Variants in TNKS observed in about 807,000 individuals in gnomAD.
TNKS encodes poly [ADP-ribose] polymerase tankyrase-1.
Under a neutral mutation model 135.8 loss-of-function variants are expected in TNKS, and 72 were observed. That is an observed-to-expected ratio of 0.53 (90% CI 0.44 to 0.64). TNKS has a LOEUF of 0.64. Among genes scored for constraint, TNKS ranks in the 30% least tolerant of loss-of-function variants. TNKS has a pLI of 0.00. For missense variants in TNKS, 1,769 were observed against 1,674.0 expected, an observed-to-expected ratio of 1.06 and a Z score of -0.99; for synonymous variants, 849 against 649.3, an observed-to-expected ratio of 1.31 and a Z score of -4.68.
At chr8:9,612,220 C>T (rs1799489894) in intron 2 of TNKS, among the ~76,000 whole-genome samples, 1 of 152,070 alleles carries the variant, frequency 6.6e-6, no homozygotes, top group Non-Finnish European at 1.5e-5. Context: ...TTCCCCAATG[C>T]ATGACAGATC....
intron 18 of TNKS, among the ~76,000 whole-genome samples, chr8:9,748,820 G>C (rs1462213152): frequency 6.6e-6 from 1 of 152,168 alleles, no homozygotes; most frequent in Non-Finnish European, 1.5e-5. Context: ...TTATGATTCT[G>C]TATGTTGGCT....
At chr8:9,562,565 G>T (rs542451968) in intron 1 of TNKS, among the ~76,000 whole-genome samples, 1 of 152,118 alleles carries the variant, frequency 6.6e-6, no homozygotes, top group Non-Finnish European at 1.5e-5. Flanking sequence ...TTTAAAGTGT[G>T]TCTATTATAG....
chr8:9,684,049 A>T (rs1802889869), intron 5 of TNKS, among the ~76,000 whole-genome samples: 1 of 151,878 alleles, frequency 6.6e-6, no homozygotes, highest in South Asian at 2.1e-4. Context: ...ACGTGTTATA[A>T]TGATGACCAC....
At chr8:9,751,062 CG>C (rs1806500713) in intron 18 of TNKS, among the ~76,000 whole-genome samples, 5 of 130,948 alleles carry the variant, frequency 3.8e-5, no homozygotes, top group Middle Eastern at 3.7e-3. Context: ...CCACATTCGG[CG>C]GGTAGGGGGC....
intron 3 of TNKS, among the ~76,000 whole-genome samples, chr8:9,630,977 T>G (rs189880735): frequency 6.6e-6 from 1 of 152,192 alleles, no homozygotes; most frequent in East Asian, 1.9e-4. Flanking sequence ...TACATACATT[T>G]TCATGACCTT....
intron 3 of TNKS, among the ~76,000 whole-genome samples, chr8:9,635,993 A>G (rs1205833788): frequency 6.6e-6 from 1 of 152,242 alleles, no homozygotes; most frequent in Non-Finnish European, 1.5e-5. Context: ...GTATTGTACC[A>G]GTGTTACTTG....
chr8:9,660,006 C>A (rs962980233), intron 3 of TNKS, among the ~76,000 whole-genome samples: 2 of 152,080 alleles, frequency 1.3e-5, no homozygotes, highest in Non-Finnish European at 2.9e-5. Context: ...ATAAATTCCT[C>A]GACACATACA....
chr8:9,575,515 C>T, intron 1 of TNKS: 5 of 707,300 alleles, frequency 7.1e-6, no homozygotes, highest in Non-Finnish European at 8.7e-6. Context: ...AAAATTTCAA[C>T]TCACACCATA....
chr8:9,574,478 G>C (rs939309436), intron 1 of TNKS, among the ~76,000 whole-genome samples: 2 of 152,088 alleles, frequency 1.3e-5, no homozygotes, highest in Non-Finnish European at 2.9e-5. Context: ...TTCTTGACTA[G>C]TCCCTCTGAT....
chr8:9,731,112 A>AT (rs1303522759), intron 14 of TNKS, 77 bp downstream of exon 14: 10 of 1,390,608 alleles, frequency 7.2e-6, no homozygotes, highest in East Asian at 5.4e-5. Flanking sequence ...GAAGTCTTAG[A>AT]TTTTTTCTGT....
At chr8:9,590,114 C>T (rs968905920) in intron 2 of TNKS, among the ~76,000 whole-genome samples, 1 of 152,164 alleles carries the variant, frequency 6.6e-6, no homozygotes, top group African/African-American at 2.4e-5. Flanking sequence ...ACAGTATGTG[C>T]GTGTTTAAAA....
intron 17 of TNKS, among the ~76,000 whole-genome samples, chr8:9,735,732 G>A (rs926913391): frequency 4.6e-5 from 7 of 151,936 alleles, no homozygotes; most frequent in African/African-American, 4.8e-5. Flanking sequence ...CCCGGGAGGC[G>A]GAGCTTGCAG....
At chr8:9,632,580 C>A (rs969738587) in intron 3 of TNKS, among the ~76,000 whole-genome samples, 19 of 152,142 alleles carry the variant, frequency 1.2e-4, no homozygotes, top group African/African-American at 4.6e-4. Context: ...GCTGCTTGAA[C>A]CCTATCAGAG....
chr8:9,570,564 G>T (rs1008089465), intron 1 of TNKS, among the ~76,000 whole-genome samples: 4 of 152,142 alleles, frequency 2.6e-5, no homozygotes, highest in African/African-American at 9.7e-5. Context: ...ATTTTCACTT[G>T]ACAGCCTCCC....
chr8:9,771,438 G>C (rs1807854377), intron 26 of TNKS, among the ~76,000 whole-genome samples: 1 of 85,976 alleles, frequency 1.2e-5, no homozygotes, highest in African/African-American at 4.1e-5. Context: ...GAGGGACAGA[G>C]GAAAGGAAAA....
intron 12 of TNKS, among the ~76,000 whole-genome samples, chr8:9,724,010 C>G (rs1805035878): frequency 6.6e-6 from 1 of 152,158 alleles, no homozygotes; most frequent in Non-Finnish European, 1.5e-5. Flanking sequence ...TAATATTGAT[C>G]AAACTACTAA....
In TNKS at chr8:9,664,120, C is replaced by G. The variant is rs568065254; in HGVS notation, c.995-15831C>G. On this transcript the variant is annotated intron_variant, in intron 3 of 26. Transcript: ENST00000310430. Reference sequence around the variant, plus strand: ...TGTTGCTGTAAGGAATACCTCGAGGCTGGGTAATTTATAAAGAAAAGAGGT... The same window carrying G: ...TGTTGCTGTAAGGAATACCTCGAGGGTGGGTAATTTATAAAGAAAAGAGGT... 4.6e-5 allele frequency among the ~76,000 whole-genome samples: 7 copies of G among 152,240 alleles called. 1 individual carries two copies. Among genetic ancestry groups the G allele is most frequent in the African/African-American group, 1.7e-4 (7 of 41,534 alleles).
chr8:9,735,678 T>C (rs1805666341), intron 17 of TNKS, among the ~76,000 whole-genome samples, 192 bp downstream of exon 17: 2 of 151,966 alleles, frequency 1.3e-5, no homozygotes, highest in South Asian at 4.2e-4. Flanking sequence ...CGGGCACCTG[T>C]AGTCCCAGCT....
At chr8:9,771,804 G>A (rs796752149) in intron 26 of TNKS, among the ~76,000 whole-genome samples, 2 of 33,034 alleles carry the variant, frequency 6.1e-5, no homozygotes, top group African/African-American at 1.4e-4. Context: ...AGGGAAGTGG[G>A]GGAGGAAGGG....
Sources: gnomAD v4.1 joint callset for allele counts (sites outside exome capture counted in the v4.1 genomes callset) on GRCh38, gnomAD v4.1.1 for gene constraint, MANE v1.5 for transcripts, NCBI Gene and HGNC (gene_info 2026-07-23, HGNC 2026-07-21) for gene names.